Variants in TDP1 observed in about 807,000 individuals in gnomAD.
TDP1 encodes tyrosyl-DNA phosphodiesterase 1, also known as tyr-DNA phosphodiesterase 1.
A neutral mutation model predicts 81.5 loss-of-function variants in TDP1; 64 were observed. The observed-to-expected ratio is 0.79, with a 90% CI of 0.64 to 0.97. The LOEUF (loss-of-function observed/expected upper bound fraction) is 0.97, where lower values mean the gene tolerates loss of function less well. Ranked by LOEUF, TDP1 falls within the 50% of genes least tolerant of loss-of-function variation. TDP1 has a pLI of 0.00. For missense variants in TDP1, 723 were observed against 743.8 expected, an observed-to-expected ratio of 0.97 and a Z score of 0.33; for synonymous variants, 256 against 264.3, an observed-to-expected ratio of 0.97 and a Z score of 0.30.
chr14:89,965,921 G>A (rs35913426), intron 3 of TDP1: 36,327 of 961,122 alleles, frequency 0.038, 3,038 homozygotes, highest in African/African-American at 0.31. Context: ...TGTAGATTTT[G>A]GTTTTGCATT....
intron 16 of TDP1, among the ~76,000 whole-genome samples, chr14:90,040,980 A>G (rs1240803059): frequency 1.3e-5 from 2 of 152,250 alleles, no homozygotes; most frequent in African/African-American, 4.8e-5. Flanking sequence ...TTGGTCATTT[A>G]TGACCTAATT....
intron 7 of TDP1, among the ~76,000 whole-genome samples, chr14:89,977,933 C>G (rs926099007): frequency 1.3e-5 from 2 of 152,198 alleles, no homozygotes; most frequent in Non-Finnish European, 2.9e-5. Flanking sequence ...TTGGTTTCCT[C>G]TAGAGCTGGG....
At chr14:89,982,789 C>T (rs751289766) in intron 8 of TDP1, among the ~76,000 whole-genome samples, 110 of 152,258 alleles carry the variant, frequency 7.2e-4, no homozygotes, top group Non-Finnish European at 1.3e-3. Context: ...TTATTTCATG[C>T]TTGGCCTATA....
In TDP1 at chr14:89,984,552, T is replaced by C. The variant is rs761149291; in HGVS notation, c.921T>C (p.Asp307=). ...WLSPLYPRIA[D]GTHKSGESPT... ...GCCCCTTATACCCACGAATTGCTGA[T>C]GGAACCCACAAATCTGGAGAGTCGC... The change falls in exon 9 of 17, where the codon GAT becomes GAC. Residue 307 remains aspartate, a synonymous_variant. Transcript: ENST00000335725. The C allele has an allele frequency of 6.2e-7, 1 of 1,614,188 alleles. No homozygotes were observed. The highest frequency in any genetic ancestry group is 8.5e-7 in the Non-Finnish European group (1 of 1,180,036).
Position 89,972,794 on chromosome 14 carries a change from T to C in TDP1, c.756+1523T>C, listed in dbSNP as rs138420438. 7.4e-4 allele frequency among the ~76,000 whole-genome samples: 113 copies of C among 152,380 alleles called. 2 individuals carry two copies. The East Asian group carries it at 0.019, about 26-fold the overall frequency. On this transcript the variant is annotated intron_variant, in intron 6 of 16. Coordinates refer to ENST00000335725, the MANE Select transcript of TDP1 (RefSeq NM_018319.4). ...TTCTTTTGGCTGTATTCGTTTGTTA[T>C]GAGAAAACACGAAAGATGCTTTTTA... is the stretch of plus-strand genomic sequence containing the variant.
intron 16 of TDP1, 117 bp downstream of exon 16, chr14:90,033,331 A>G (rs985994352): frequency 3.3e-5 from 24 of 729,232 alleles, no homozygotes; most frequent in Non-Finnish European, 2.2e-5. Flanking sequence ...TGGAAGCTCA[A>G]GTTTGCAGAG....
In TDP1 at chr14:90,008,046, GT is replaced by G. The variant is rs202168854; in HGVS notation, c.1542-11267del. On this transcript the variant is annotated intron_variant, in intron 14 of 16. Coordinates refer to ENST00000335725, the MANE Select transcript of TDP1 (RefSeq NM_018319.4). ...TTTTCTTTATATTTGGTATTCTTCAGTTTAGCTACGATGGATAAATAGGTAT... is the reference window on the plus strand; with the variant it reads ...TTTTCTTTATATTTGGTATTCTTCAGTTAGCTACGATGGATAAATAGGTAT... Among the ~76,000 whole-genome samples the G allele has an allele frequency of 3.3e-5, 5 of 152,240 alleles. No homozygotes were observed. The East Asian group carries it at 9.6e-4, about 29-fold the overall frequency.
chr14:89,993,267 A>C, intron 13 of TDP1, 109 bp from the exon 14 acceptor site: 3 of 1,233,652 alleles, frequency 2.4e-6, no homozygotes, highest in Non-Finnish European at 1.1e-6. Flanking sequence ...TCGTGTAGCC[A>C]CTGTTGATTT....
At chr14:89,996,162 A>T (rs1896633529) in intron 14 of TDP1, among the ~76,000 whole-genome samples, 1 of 152,126 alleles carries the variant, frequency 6.6e-6, no homozygotes, top group Non-Finnish European at 1.5e-5. Flanking sequence ...TTCATAAGCC[A>T]CTCATCCTGG....
At chr14:89,969,834 A>G (rs1341932860) in intron 5 of TDP1, among the ~76,000 whole-genome samples, 1 of 146,954 alleles carries the variant, frequency 6.8e-6, no homozygotes, top group Non-Finnish European at 1.5e-5. Context: ...CTTATATCCA[A>G]TTTTTGTTGT....
At chr14:90,007,370 G>A (rs886601374) in intron 14 of TDP1, among the ~76,000 whole-genome samples, 1 of 152,102 alleles carries the variant, frequency 6.6e-6, no homozygotes, top group Non-Finnish European at 1.5e-5. Context: ...CGGTGGATCA[G>A]TTGAGACCAG....
Position 90,043,163 on chromosome 14 carries a change from AATTTAAGTGTAAGAC to A in TDP1, c.*24_*38del. 6.2e-7 allele frequency: 1 copy of A among 1,614,196 alleles called. No individual in the cohort carries two copies. The highest frequency in any genetic ancestry group is 1.6e-4 in the Middle Eastern group (1 of 6,062). The stretch of plus-strand genomic sequence containing the variant: ...TCCTGAGAATCTTGAGGCACTGTGA[AATTTAAGTGTAAGAC>A]ATTGAGCCACAAACATGGAATCTCT... On this transcript the variant is annotated 3_prime_UTR_variant, in exon 17 of 17. Transcript: ENST00000335725.
intron 6 of TDP1, among the ~76,000 whole-genome samples, chr14:89,971,747 G>A (rs1893691778): frequency 6.6e-6 from 1 of 152,080 alleles, no homozygotes; most frequent in Non-Finnish European, 1.5e-5. Context: ...TTGAAACCTG[G>A]GTTTCAACAC....
intron 16 of TDP1, among the ~76,000 whole-genome samples, chr14:90,037,585 A>ATG (rs1566933175): frequency 1.3e-5 from 2 of 151,958 alleles, no homozygotes; most frequent in African/African-American, 4.8e-5. Context: ...ATTCCTGCAC[A>ATG]CTCTTTACCC....
rs761995863 is a variant in TDP1 at position 89,967,399 on chromosome 14, A to G, written c.636A>G (p.Val212=). ...FNYCFDVDWL[V]KQYPPEFRKK... ...ACTGCTTTGACGTGGACTGGCTCGT[A>G]AAACAGTATCCACCAGAGTTCAGGT... The change falls in exon 5 of 17, where the codon GTA becomes GTG. Residue 212 remains valine, a synonymous_variant. Coordinates refer to ENST00000335725, the MANE Select transcript of TDP1 (RefSeq NM_018319.4). 1.9e-6 allele frequency: 3 copies of G among 1,614,086 alleles called. No homozygotes were observed. Among genetic ancestry groups the G allele is most frequent in the African/African-American group, 2.7e-5 (2 of 75,050 alleles).
intron 3 of TDP1, chr14:89,965,865 G>T (rs746346960): frequency 2.3e-5 from 23 of 984,622 alleles, no homozygotes; most frequent in Non-Finnish European, 2.5e-5. Flanking sequence ...TATCATTATT[G>T]TCCATATTGA....
chr14:90,026,623 C>T (rs760993239), intron 15 of TDP1, among the ~76,000 whole-genome samples: 17 of 152,040 alleles, frequency 1.1e-4, no homozygotes, highest in African/African-American at 3.9e-4. Context: ...CCCTGCCCCA[C>T]GACAGGCCCC....
Position 90,044,274 on chromosome 14 carries a change from C to G in TDP1, c.*1131C>G, listed in dbSNP as rs1372997625. ...TCCTAAAAGGTGACTTAATTTGATG[C>G]CTTAAATTCACAAGTGAGGAAGCTA... On this transcript the variant is annotated 3_prime_UTR_variant, in exon 17 of 17. Coordinates refer to ENST00000335725, the MANE Select transcript of TDP1 (RefSeq NM_018319.4). The G allele has an allele frequency of 6.6e-6, 1 of 152,174 alleles. No homozygotes were observed. The highest frequency in any genetic ancestry group is 2.4e-5 in the African/African-American group (1 of 41,422). 9.4% of individuals were successfully genotyped at this position (152,174 alleles called of 1,614,324 possible).
intron 14 of TDP1, among the ~76,000 whole-genome samples, chr14:90,009,948 A>C (rs2140218847): frequency 6.6e-6 from 1 of 152,364 alleles, no homozygotes; most frequent in East Asian, 1.9e-4. Context: ...CAGGAAAAAA[A>C]AACCTTAGCC....
Sources: allele counts gnomAD v4.1 joint callset (sites outside exome capture counted in the v4.1 genomes callset), GRCh38; gene constraint gnomAD v4.1.1; transcripts MANE v1.5; gene names NCBI Gene and HGNC (gene_info 2026-07-23, HGNC 2026-07-21).